RELL1: variants seen among roughly 807,000 people sequenced by gnomAD.
RELL1 encodes the protein RELT-like protein 1.
Under a neutral mutation model 23.0 loss-of-function variants are expected in RELL1, and 10 were observed. That is an observed-to-expected ratio of 0.43 (90% confidence interval 0.27 to 0.74). The LOEUF (loss-of-function observed/expected upper bound fraction) is 0.74, where lower values mean the gene tolerates loss of function less well. Among genes scored for constraint, RELL1 ranks in the 30% least tolerant of loss-of-function variants. RELL1 has a pLI of 0.19. For synonymous variants in RELL1, 146 were observed against 146.8 expected, an observed-to-expected ratio of 0.99 and a Z score of 0.04; for missense variants, 315 against 364.4, an observed-to-expected ratio of 0.86 and a Z score of 1.10.
At chr4:37,660,945 A>C (rs993263745) in intron 1 of RELL1, among the ~76,000 whole-genome samples, 12 of 151,620 alleles carry the variant, frequency 7.9e-5, no homozygotes, top group African/African-American at 2.2e-4. Context: ...GCAGGAGAAC[A>C]GCGTGAACCC....
chr4:37,605,371 T>A (rs1560324350), intron 6 of RELL1, among the ~76,000 whole-genome samples: 1 of 152,132 alleles, frequency 6.6e-6, no homozygotes, highest in Admixed American at 6.5e-5. Flanking sequence ...CCAGGGCTCC[T>A]TGGGTTAGTG....
intron 1 of RELL1, among the ~76,000 whole-genome samples, chr4:37,669,685 C>T (rs950685006): frequency 6.6e-6 from 1 of 152,194 alleles, no homozygotes; most frequent in African/African-American, 2.4e-5. Context: ...TTGTTCTGTA[C>T]GAAGAAAAAT....
At chr4:37,637,137 G>GC (rs959863479) in intron 4 of RELL1, among the ~76,000 whole-genome samples, 2 of 152,186 alleles carry the variant, frequency 1.3e-5, no homozygotes, top group African/African-American at 4.8e-5. Context: ...AAAGATGACT[G>GC]AGACAAAGAC....
chr4:37,628,623 C>T (rs1393069399), intron 6 of RELL1, among the ~76,000 whole-genome samples: 3 of 152,200 alleles, frequency 2.0e-5, no homozygotes, highest in Non-Finnish European at 4.4e-5. Flanking sequence ...CACTCGTGCT[C>T]ATTGTGATTT....
At chr4:37,616,368 C>G (rs1426230016) in intron 6 of RELL1, among the ~76,000 whole-genome samples, 1 of 152,228 alleles carries the variant, frequency 6.6e-6, no homozygotes, top group African/African-American at 2.4e-5. Context: ...GCACTGCTAT[C>G]CAGTCACCCC....
chr4:37,667,302 T>G (rs1320447382), intron 1 of RELL1, among the ~76,000 whole-genome samples: 1 of 151,810 alleles, frequency 6.6e-6, no homozygotes, highest in African/African-American at 2.4e-5. Context: ...AGATATTAAC[T>G]CATTTCATCC....
chr4:37,632,102 A>AC (rs1221202698), intron 5 of RELL1, among the ~76,000 whole-genome samples: 2 of 150,842 alleles, frequency 1.3e-5, no homozygotes, highest in African/African-American at 4.9e-5. Flanking sequence ...AAAAAAAAAA[A>AC]AAAAAAACAC....
Position 37,658,688 on chromosome 4 carries a change from G to A in RELL1, c.89-9188C>T, listed in dbSNP as rs112626405. Among the ~76,000 whole-genome samples the A allele has an allele frequency of 3.6e-3, 551 of 152,294 alleles. 5 individuals are homozygous for A. Among genetic ancestry groups the A allele is most frequent in the African/African-American group, 0.012 (514 of 41,548 alleles). On this transcript the variant is annotated intron_variant, in intron 1 of 6. Coordinates refer to ENST00000454158, the MANE Select transcript of RELL1 (RefSeq NM_001085400.2). ...AAAACACGACTTGTAAGAGAGTGCT[G>A]TTCATCTACCAATGCCTAAAGTACA...
rs368998124 is a variant in RELL1 at position 37,635,045 on chromosome 4, G to C, written c.522C>G (p.His174Gln). 1.2e-6 allele frequency: 2 copies of C among 1,614,218 alleles called. No homozygotes were observed. Among genetic ancestry groups the C allele is most frequent in the South Asian group, 2.2e-5 (2 of 91,088 alleles). Residue 174 changes from histidine to glutamine, a missense_variant, in exon 5 of 7, where the codon CAC becomes CAG. His to Gln is a conservative substitution (Grantham distance 24, BLOSUM62 0). Transcript: ENST00000454158. ...PLSPGGTPGK[H>Q]VCGHHLHTVG... ...CCGTATGCAGATGATGGCCACAGAC[G>C]TGCTTCCCTGGCGTCCCCCCTGGTG...
intron 1 of RELL1, among the ~76,000 whole-genome samples, chr4:37,683,555 C>T (rs920807533): frequency 1.3e-5 from 2 of 149,638 alleles, no homozygotes; most frequent in Non-Finnish European, 1.5e-5. Flanking sequence ...TCAGGAGTTA[C>T]AAACCAGCAT....
intron 1 of RELL1, among the ~76,000 whole-genome samples, chr4:37,666,691 G>T (rs1048187632): frequency 1.3e-5 from 2 of 152,146 alleles, no homozygotes; most frequent in African/African-American, 4.8e-5. Context: ...GAAAAGATAA[G>T]CCCTGGGGGT....
chr4:37,605,610 C>T (rs761724515), intron 6 of RELL1, among the ~76,000 whole-genome samples: 24 of 151,576 alleles, frequency 1.6e-4, no homozygotes, highest in African/African-American at 4.9e-4. Context: ...GGTGTGGTGG[C>T]GTATGCTTGT....
At chr4:37,621,621 A>G (rs1214496855) in intron 6 of RELL1, among the ~76,000 whole-genome samples, 1 of 152,138 alleles carries the variant, frequency 6.6e-6, no homozygotes, top group East Asian at 1.9e-4. Flanking sequence ...TAGGCCCTCC[A>G]AAGTCTCTAG....
At chr4:37,669,502 C>T (rs1351895380) in intron 1 of RELL1, among the ~76,000 whole-genome samples, 1 of 152,022 alleles carries the variant, frequency 6.6e-6, no homozygotes, top group African/African-American at 2.4e-5. Context: ...AGGAGCCCCT[C>T]TGCCCGGCCA....
chr4:37,622,084 C>A (rs1015730777), intron 6 of RELL1, among the ~76,000 whole-genome samples: 2 of 152,220 alleles, frequency 1.3e-5, no homozygotes, highest in Non-Finnish European at 2.9e-5. Flanking sequence ...ACCATTTTCA[C>A]TCCTTATGGC....
At chr4:37,615,068 G>C (rs1288293730) in intron 6 of RELL1, among the ~76,000 whole-genome samples, 1 of 152,142 alleles carries the variant, frequency 6.6e-6, no homozygotes. Context: ...TAGGGTTACT[G>C]GGGATTTGAC....
intron 1 of RELL1, among the ~76,000 whole-genome samples, chr4:37,668,069 A>G (rs1013130666): frequency 6.7e-6 from 1 of 148,804 alleles, no homozygotes; most frequent in Non-Finnish European, 1.5e-5. Context: ...AAGTGGTAAG[A>G]TTATAAGTCA....
chr4:37,640,357 G>A (rs1350651054), intron 3 of RELL1, among the ~76,000 whole-genome samples: 2 of 152,180 alleles, frequency 1.3e-5, no homozygotes, highest in East Asian at 3.8e-4. Context: ...AGTTCCCTCT[G>A]TAAAACACAT....
intron 6 of RELL1, chr4:37,622,910 C>T (rs780572309): frequency 1.4e-5 from 6 of 432,538 alleles, no homozygotes; most frequent in Non-Finnish European, 2.7e-5. Flanking sequence ...GTTCAACTGA[C>T]TCTCCTGCCT....
Sources: gnomAD v4.1 joint callset for allele counts (sites outside exome capture counted in the v4.1 genomes callset) on GRCh38, gnomAD v4.1.1 for gene constraint, MANE v1.5 for transcripts, NCBI Gene and HGNC (gene_info 2026-07-23, HGNC 2026-07-21) for gene names.